SPIRE1: variants seen among roughly 807,000 people sequenced by gnomAD.
The protein encoded by SPIRE1 is protein spire homolog 1.
In SPIRE1, 40 loss-of-function variants were observed where a neutral mutation model predicts 94.1. That is an observed-to-expected ratio of 0.43 (90% confidence interval 0.33 to 0.55). The LOEUF is 0.55. SPIRE1 is among the 20% of genes least tolerant of loss of function. SPIRE1 has a pLI of 0.06. For synonymous variants in SPIRE1, 376 were observed against 371.7 expected (o/e 1.01, Z -0.13); for missense variants, 838 against 975.2 (o/e 0.86, Z 1.87).
intron 1 of SPIRE1, among the ~76,000 whole-genome samples, chr18:12,650,626 C>G (rs1031590594): frequency 2.0e-5 from 3 of 151,278 alleles, no homozygotes; most frequent in Non-Finnish European, 2.9e-5. Context: ...AGGAGAATCG[C>G]TTGAACCCGG....
At chr18:12,575,076 G>C (rs1051217504) in intron 2 of SPIRE1, among the ~76,000 whole-genome samples, 1 of 152,096 alleles carries the variant, frequency 6.6e-6, no homozygotes, top group Non-Finnish European at 1.5e-5. Context: ...CTGGAGATGA[G>C]ACAGGGCAGA....
At chr18:12,645,637 A>G (rs1022936649) in intron 1 of SPIRE1, among the ~76,000 whole-genome samples, 19 of 152,194 alleles carry the variant, frequency 1.2e-4, no homozygotes, top group Admixed American at 5.2e-4. Flanking sequence ...GGCTACAAAG[A>G]TCTAAAGATA....
intron 1 of SPIRE1, chr18:12,656,651 C>G: frequency 1.1e-6 from 1 of 944,318 alleles, no homozygotes; most frequent in Non-Finnish European, 1.3e-6. Flanking sequence ...ATAGACTTGC[C>G]TCTCAAAAGA....
At chr18:12,535,153 G>A (rs923191525) in intron 4 of SPIRE1, among the ~76,000 whole-genome samples, 3 of 152,192 alleles carry the variant, frequency 2.0e-5, no homozygotes, top group Non-Finnish European at 2.9e-5. Context: ...GGACAGAAGA[G>A]AAGAGCGACA....
At chr18:12,522,879 A>G (rs2096780166) in intron 4 of SPIRE1, among the ~76,000 whole-genome samples, 1 of 152,206 alleles carries the variant, frequency 6.6e-6, no homozygotes. Context: ...GGTAATATAC[A>G]AGATTAATGT....
At chr18:12,625,917 C>A (rs999049840) in intron 2 of SPIRE1, among the ~76,000 whole-genome samples, 1 of 152,052 alleles carries the variant, frequency 6.6e-6, no homozygotes, top group African/African-American at 2.4e-5. Context: ...GTGGCGGCTG[C>A]CTGTAATCCC....
intron 4 of SPIRE1, among the ~76,000 whole-genome samples, chr18:12,522,765 G>C (rs2034399366): frequency 6.6e-6 from 1 of 152,090 alleles, no homozygotes; most frequent in Non-Finnish European, 1.5e-5. Flanking sequence ...TCTATAAATG[G>C]AACAACAAAG....
chr18:12,528,725 T>C (rs1301459422), intron 4 of SPIRE1, among the ~76,000 whole-genome samples: 4 of 152,126 alleles, frequency 2.6e-5, no homozygotes, highest in African/African-American at 7.2e-5. Context: ...AGGCAAGAGA[T>C]GTCAAACCAA....
chr18:12,542,346 C>T (rs559334306), intron 3 of SPIRE1, among the ~76,000 whole-genome samples: 1 of 152,242 alleles, frequency 6.6e-6, no homozygotes, highest in East Asian at 1.9e-4. Context: ...ACTTTCAGTC[C>T]ACGTCAATTT....
At chr18:12,450,123 C>T (rs1188004551) in intron 16 of SPIRE1, among the ~76,000 whole-genome samples, 1 of 151,540 alleles carries the variant, frequency 6.6e-6, no homozygotes, top group Non-Finnish European at 1.5e-5. Flanking sequence ...GCCTGTAATC[C>T]CAGCACTTTG....
intron 2 of SPIRE1, chr18:12,588,322 A>T (rs535344042): frequency 6.6e-6 from 1 of 152,502 alleles, no homozygotes; most frequent in Non-Finnish European, 1.5e-5. Context: ...AAATACATCA[A>T]TGTCATCTAT....
At chr18:12,452,840 A>T (rs1397821434) in intron 14 of SPIRE1, among the ~76,000 whole-genome samples, 2 of 152,240 alleles carry the variant, frequency 1.3e-5, no homozygotes, top group Admixed American at 1.3e-4. Flanking sequence ...TATGTAAAAG[A>T]AGTAACATAC....
intron 2 of SPIRE1, among the ~76,000 whole-genome samples, chr18:12,626,587 G>T (rs548135144): frequency 6.6e-6 from 1 of 152,098 alleles, no homozygotes; most frequent in East Asian, 1.9e-4. Flanking sequence ...AGATACAAAG[G>T]CATCTCATTA....
At chr18:12,640,320 CAAT>C (rs1189721896) in intron 1 of SPIRE1, among the ~76,000 whole-genome samples, 3 of 152,190 alleles carry the variant, frequency 2.0e-5, no homozygotes, top group African/African-American at 7.2e-5. Context: ...AAATTCTAGA[CAAT>C]GTTTCAGTCC....
chr18:12,632,726 T>A (rs575656433), intron 2 of SPIRE1, among the ~76,000 whole-genome samples: 65 of 138,836 alleles, frequency 4.7e-4, no homozygotes, highest in Admixed American at 8.6e-4. Flanking sequence ...CTGAAAAACT[T>A]CTATTTAGTT....
At chr18:12,474,823 A>AC (rs1484568863) in intron 10 of SPIRE1, among the ~76,000 whole-genome samples, 12 of 151,572 alleles carry the variant, frequency 7.9e-5, no homozygotes, top group African/African-American at 2.9e-4. Flanking sequence ...CATCTCAAAA[A>AC]ACCCCCCCAA....
chr18:12,459,701 C>T (rs2031690424), intron 12 of SPIRE1: 1 of 952,668 alleles, frequency 1.0e-6, no homozygotes, highest in South Asian at 4.9e-5. Flanking sequence ...TGAGGTGTCA[C>T]CGTCAGAGAT....
chr18:12,649,213 A>T (rs1317811415), intron 1 of SPIRE1, among the ~76,000 whole-genome samples: 1 of 152,128 alleles, frequency 6.6e-6, no homozygotes, highest in Non-Finnish European at 1.5e-5. Flanking sequence ...GGAGTTCAAG[A>T]GCAGTCTGGG....
intron 1 of SPIRE1, among the ~76,000 whole-genome samples, chr18:12,652,337 T>C (rs918356438): frequency 1.1e-4 from 16 of 152,224 alleles, no homozygotes; most frequent in Non-Finnish European, 2.1e-4. Context: ...TAAAACTTCA[T>C]CAACTTGTAC....
Sources: allele counts gnomAD v4.1 joint callset (sites outside exome capture counted in the v4.1 genomes callset), GRCh38; gene constraint gnomAD v4.1.1; transcripts MANE v1.5; gene names NCBI Gene and HGNC (gene_info 2026-07-23, HGNC 2026-07-21).